The following CFAP100 variants were observed in gnomAD, a reference collection of about 807,000 sequenced individuals.
CFAP100 encodes the protein cilia and flagella associated protein 100, also known as cilia- and flagella-associated protein 100.
A neutral mutation model predicts 81.5 loss-of-function variants in CFAP100; 70 were observed. The observed-to-expected ratio is 0.86, with a 90% CI of 0.71 to 1.05. The LOEUF is 1.05. CFAP100 is among the 50% of genes least tolerant of loss of function. CFAP100 has a pLI of 0.00. For synonymous variants in CFAP100, 341 were observed against 314.8 expected, an observed-to-expected ratio of 1.08 and a Z score of -0.88; for missense variants, 811 against 776.5, an observed-to-expected ratio of 1.04 and a Z score of -0.53.
intron 13 of CFAP100, among the ~76,000 whole-genome samples, chr3:126,424,088 ACT>A (rs2083375738): frequency 1.3e-5 from 2 of 152,232 alleles, no homozygotes; most frequent in South Asian, 4.1e-4. Context: ...TTCGTAGACC[ACT>A]GAGCGGGTGT....
intron 1 of CFAP100, 43 bp downstream of exon 1, chr3:126,395,021 C>G (rs970079027): frequency 6.6e-6 from 1 of 152,348 alleles, no homozygotes; most frequent in Non-Finnish European, 1.5e-5. Context: ...GCGCGGGGTC[C>G]GTGAGGGCGC....
intron 13 of CFAP100, among the ~76,000 whole-genome samples, chr3:126,430,267 T>C (rs1933160199): frequency 1.3e-5 from 2 of 152,200 alleles, no homozygotes; most frequent in African/African-American, 4.8e-5. Context: ...AAATATAAAG[T>C]TGGATAGAAG....
intron 2 of CFAP100, among the ~76,000 whole-genome samples, chr3:126,400,927 A>G (rs1260688428): frequency 6.6e-6 from 1 of 152,194 alleles, no homozygotes; most frequent in Non-Finnish European, 1.5e-5. Flanking sequence ...AAGCGGTGGA[A>G]GCCGCCTGAG....
chr3:126,396,793 A>G (rs2082896315), intron 2 of CFAP100: 1 of 152,140 alleles, frequency 6.6e-6, no homozygotes, highest in African/African-American at 2.4e-5. Context: ...AATTGCATGC[A>G]TTTGCCAAGA....
In CFAP100 at chr3:126,431,683, G is replaced by A. The variant is rs75884751; in HGVS notation, c.1287-1386G>A. Reference sequence around the variant, plus strand: ...CTGATGCTATTCCTCTGGTTGTATCGTTAAATTCTTCTATCTATAAAATCT... The same window carrying A: ...CTGATGCTATTCCTCTGGTTGTATCATTAAATTCTTCTATCTATAAAATCT... On this transcript the variant is annotated intron_variant, in intron 13 of 16. Transcript: ENST00000352312. Among the ~76,000 whole-genome samples, 877 of 152,184 alleles carry A rather than the reference G, an allele frequency of 5.8e-3. 7 individuals carry two copies. The highest frequency in any genetic ancestry group is 8.1e-3 in the Non-Finnish European group (554 of 68,010).
At chr3:126,430,963 A>C (rs55868716) in intron 13 of CFAP100, among the ~76,000 whole-genome samples, 7,804 of 152,094 alleles carry the variant, frequency 0.051, 245 homozygotes, top group Non-Finnish European at 0.059. Context: ...TTGTGGTGTC[A>C]TGTTTCCCTG....
At position 126,401,397 on chromosome 3, in the gene CFAP100, T is replaced by TTTTATATA. The variant is rs869308239; in HGVS notation, c.49+5349_49+5350insTTATATAT. Among the ~76,000 whole-genome samples, 704 of 75,938 alleles carry TTTTATATA rather than the reference T, an allele frequency of 9.3e-3. 13 individuals carry two copies. Among genetic ancestry groups the TTTTATATA allele is most frequent in the Non-Finnish European group, 0.015 (554 of 36,994 alleles). The allele number at this position is 75,938 out of a possible 152,430, so 49.8% of individuals were successfully genotyped here. A position where few individuals can be genotyped will look rare whatever the true frequency, so the allele number is the denominator to read the frequency against. ...ATGGCATAAAATGGCAAATCGTATT[T>TTTTATATA]TATATATATATATATATATATATAT... is the stretch of plus-strand genomic sequence containing the variant. On this transcript the variant is annotated intron_variant, in intron 2 of 16. Coordinates refer to ENST00000352312, the MANE Select transcript of CFAP100 (RefSeq NM_182628.3).
chr3:126,416,401 G>GGCAGCT lies in CFAP100; in HGVS notation c.319_324dup (p.Gln107_Leu108dup), dbSNP rs941220994. ...TCGGCTAAGCACACCAGCCTGCGGC[G>GGCAGCT]GCAGCTGCAGCTGGAGGACAAGCAG... On this transcript the variant is annotated inframe_insertion, in exon 5 of 17. Coordinates refer to ENST00000352312, the MANE Select transcript of CFAP100 (RefSeq NM_182628.3). The GGCAGCT allele has an allele frequency of 6.2e-7, 1 of 1,612,076 alleles. No homozygotes were observed. Among genetic ancestry groups the GGCAGCT allele is most frequent in the Non-Finnish European group, 8.5e-7 (1 of 1,179,494 alleles).
rs116689511 is a variant in CFAP100 at position 126,434,001 on chromosome 3, C to T, written c.1423-175C>T. ...CAGGGGGCCCGGGGGATAGGCTGCT[C>T]TGGCCAAGAAAAGCCAGTTCCCCAA... On this transcript the variant is annotated intron_variant, in intron 14 of 16. Coordinates refer to ENST00000352312, the MANE Select transcript of CFAP100 (RefSeq NM_182628.3). The T allele has an allele frequency of 2.2e-3, 1,341 of 607,562 alleles. 17 individuals are homozygous for T. The African/African-American group carries it at 0.022, about 10-fold the overall frequency. 37.6% of individuals were successfully genotyped at this position (607,562 alleles called of 1,614,324 possible).
chr3:126,426,202 C>T (rs1039167498), intron 13 of CFAP100, among the ~76,000 whole-genome samples: 1 of 152,216 alleles, frequency 6.6e-6, no homozygotes, highest in African/African-American at 2.4e-5. Context: ...GTGGCTCATG[C>T]CTGTAATTTC....
chr3:126,435,691 G>T, intron 16 of CFAP100, 39 bp downstream of exon 16: 1 of 1,532,014 alleles, frequency 6.5e-7, no homozygotes, highest in East Asian at 2.3e-5. Flanking sequence ...GCTGGAGGGG[G>T]TCCCAAGACA....
chr3:126,400,908 A>T (rs1042713926), intron 2 of CFAP100, among the ~76,000 whole-genome samples: 32 of 152,258 alleles, frequency 2.1e-4, no homozygotes, highest in African/African-American at 7.5e-4. Flanking sequence ...AGTGTTATTC[A>T]CAATAGCCAA....
chr3:126,418,695 A>C lies in CFAP100; in HGVS notation c.571A>C (p.Lys191Gln). ...GGAGGCCAGGCTGGAGCGGGCCGAG[A>C]AATCCCTGGAGAAGGACGCCGCCTT... The part of the protein sequence containing the change: ...KEEARLERAE[K>Q]SLEKDAALFD... The change falls in exon 7 of 17, where the codon AAA becomes CAA. Residue 191 changes from lysine to glutamine, a missense_variant. Lys to Gln is a moderately conservative substitution (Grantham distance 53, BLOSUM62 1). Coordinates refer to ENST00000352312, the MANE Select transcript of CFAP100 (RefSeq NM_182628.3). The C allele has an allele frequency of 1.9e-6, 3 of 1,585,364 alleles. No individual in the cohort carries two copies. The highest frequency in any genetic ancestry group is 2.6e-6 in the Non-Finnish European group (3 of 1,167,150).
chr3:126,400,991 G>GTGCT (rs1457802673), intron 2 of CFAP100, among the ~76,000 whole-genome samples: 1 of 152,230 alleles, frequency 6.6e-6, no homozygotes, highest in Non-Finnish European at 1.5e-5. Flanking sequence ...ATGCAGTGGA[G>GTGCT]TGCTATTCAG....
At position 126,434,349 on chromosome 3, in the gene CFAP100, C is replaced by A. The variant is rs138117214; in HGVS notation, c.1596C>A (p.Ala532=). The A allele has an allele frequency of 1.4e-5, 23 of 1,613,760 alleles. No homozygotes were observed. The Admixed American group carries it at 1.5e-4, about 11-fold the overall frequency. The change falls in exon 15 of 17, where the codon GCC becomes GCA. Residue 532 remains alanine (A), a synonymous_variant. Transcript: ENST00000352312. ...TGCCCCAGGTCAAGATCGAGCAGGCCGAGAGGGCAAAGGAGAAGGAGCGGC... is the reference window on the plus strand; with the variant it reads ...TGCCCCAGGTCAAGATCGAGCAGGCAGAGAGGGCAAAGGAGAAGGAGCGGC... The part of the protein sequence containing the change: ...EHVPQVKIEQ[A]ERAKEKERRI...
chr3:126,408,595 G>A (rs983780612), intron 3 of CFAP100, among the ~76,000 whole-genome samples: 9 of 152,060 alleles, frequency 5.9e-5, no homozygotes, highest in African/African-American at 2.2e-4. Flanking sequence ...CATCCTTCCT[G>A]CCCTTGGACA....
At position 126,433,151 on chromosome 3, in the gene CFAP100, C is replaced by G; in HGVS notation, c.1369C>G (p.Leu457Val). The change falls in exon 14 of 17, where the codon CTG (leucine) becomes GTG (valine). Residue 457 changes from leucine to valine, a missense_variant. By Grantham distance (32) the Leu-to-Val change is conservative. Transcript: ENST00000352312. The stretch of plus-strand genomic sequence containing the variant: ...CAAGGAGGAGGACACAGCAGCTGAG[C>G]TGGAGCTCAAAGCCCGAGTCTTCCA... Reference protein sequence around the residue: ...ITKEEDTAAELELKARVFHFG... With the variant: ...ITKEEDTAAEVELKARVFHFG... 6.2e-7 allele frequency: 1 copy of G among 1,614,222 alleles called. No individual in the cohort carries two copies. The highest frequency in any genetic ancestry group is 8.5e-7 in the Non-Finnish European group (1 of 1,180,044).
chr3:126,431,941 C>CT (rs1933247278), intron 13 of CFAP100, among the ~76,000 whole-genome samples: 1 of 152,176 alleles, frequency 6.6e-6, no homozygotes, highest in African/African-American at 2.4e-5. Flanking sequence ...AGGACCAACT[C>CT]TGAGCAGCAT....
rs148127202 is a variant in CFAP100 at position 126,434,307 on chromosome 3, A to G, written c.1554A>G (p.Leu518=). The part of the protein sequence containing the change: ...TIIEHQLDEL[L]ENLEHVPQVK... ...TTGAGCACCAGCTGGATGAGCTGCT[A>G]GAGAACCTGGAGCACGTGCCCCAGG... is the stretch of plus-strand genomic sequence containing the variant. The change falls in exon 15 of 17, where the codon CTA becomes CTG. Residue 518 remains leucine (L), a synonymous_variant. Transcript: ENST00000352312. 1,169 of 1,614,116 alleles carry G rather than the reference A, an allele frequency of 7.2e-4. 15 individuals carry two copies. The East Asian group carries it at 0.022, about 30-fold the overall frequency.
Sources: allele counts gnomAD v4.1 joint callset (sites outside exome capture counted in the v4.1 genomes callset), GRCh38; gene constraint gnomAD v4.1.1; transcripts MANE v1.5; gene names NCBI Gene and HGNC (gene_info 2026-07-23, HGNC 2026-07-21).